UNC13C: variants seen among roughly 807,000 people sequenced by gnomAD.
UNC13C encodes the protein unc-13 homolog C, also known as protein unc-13 homolog C.
A neutral mutation model predicts 245.4 loss-of-function variants in UNC13C; 174 were observed. The ratio of observed to expected loss-of-function variants is 0.71; its 90% CI spans 0.63 to 0.80. The LOEUF (loss-of-function observed/expected upper bound fraction) is 0.80, where lower values mean the gene tolerates loss of function less well. Ranked by LOEUF, UNC13C falls within the 30% of genes least tolerant of loss-of-function variation. The pLI, the probability that UNC13C is intolerant of heterozygous loss-of-function variation, is 0.00. For synonymous variants in UNC13C, 992 were observed against 895.1 expected, an observed-to-expected ratio of 1.11 and a Z score of -1.93; for missense variants, 2,829 against 2,602.9, an observed-to-expected ratio of 1.09 and a Z score of -1.89.
chr15:53,982,379 G>A (rs7172652), intron 1 of UNC13C, among the ~76,000 whole-genome samples: 2,323 of 152,194 alleles, frequency 0.015, 70 homozygotes, highest in African/African-American at 0.053. Context: ...CTCGAAGCAT[G>A]TAAAATATAA....
At chr15:54,564,373 G>C (rs1222424623) in intron 29 of UNC13C, among the ~76,000 whole-genome samples, 1 of 151,748 alleles carries the variant, frequency 6.6e-6, no homozygotes, top group East Asian at 1.9e-4. Flanking sequence ...GGGACCTTTG[G>C]GTTTTCCTCA....
At chr15:54,283,190 C>G (rs1293916785) in intron 10 of UNC13C, among the ~76,000 whole-genome samples, 3 of 152,088 alleles carry the variant, frequency 2.0e-5, no homozygotes, top group African/African-American at 7.2e-5. Context: ...GGGGTTTCAC[C>G]TGCTACACAA....
In UNC13C at chr15:54,267,661, A is replaced by ATATC. The variant is rs145981795; in HGVS notation, c.3818+2167_3818+2170dup. Among the ~76,000 whole-genome samples the ATATC allele has an allele frequency of 8.7e-3, 1,327 of 152,130 alleles. 23 individuals carry two copies. The highest frequency in any genetic ancestry group is 0.031 in the African/African-American group (1,287 of 41,546). Reference sequence around the variant, plus strand: ...ACATTTTTGCTTCTCTGTGTATAACATATCTCCCCTACTCCTCCAACTGCT... The same window carrying ATATC: ...ACATTTTTGCTTCTCTGTGTATAACATATCTATCTCCCCTACTCCTCCAACTGCT... On this transcript the variant is annotated intron_variant, in intron 10 of 32. Coordinates refer to ENST00000260323, the MANE Select transcript of UNC13C (RefSeq NM_001080534.3).
chr15:54,101,889 C>G (rs1435495460), intron 2 of UNC13C, among the ~76,000 whole-genome samples: 1 of 151,714 alleles, frequency 6.6e-6, no homozygotes, highest in Non-Finnish European at 1.5e-5. Flanking sequence ...CGGCCATCCT[C>G]CCCATTCTTA....
intron 24 of UNC13C, among the ~76,000 whole-genome samples, chr15:54,518,778 C>A (rs2141128221): frequency 6.6e-6 from 1 of 152,240 alleles, no homozygotes; most frequent in East Asian, 1.9e-4. Context: ...TGGTTTATAA[C>A]ACATGCAGGA....
At chr15:54,505,689 G>T (rs1282583130) in intron 22 of UNC13C, among the ~76,000 whole-genome samples, 8 of 150,554 alleles carry the variant, frequency 5.3e-5, no homozygotes, top group Non-Finnish European at 1.2e-4. Context: ...AAAGATGGGA[G>T]TTATTACGGC....
At chr15:54,468,926 T>G (rs1892314908) in intron 19 of UNC13C, among the ~76,000 whole-genome samples, 1 of 151,658 alleles carries the variant, frequency 6.6e-6, no homozygotes, top group African/African-American at 2.4e-5. Context: ...TCAAGACTTT[T>G]GTGATTCCTT....
chr15:54,157,833 A>C (rs1305228956), intron 4 of UNC13C, among the ~76,000 whole-genome samples: 1 of 152,208 alleles, frequency 6.6e-6, no homozygotes, highest in African/African-American at 2.4e-5. Flanking sequence ...AAACCTGACA[A>C]AAACAAGAAA....
intron 30 of UNC13C, among the ~76,000 whole-genome samples, chr15:54,588,607 C>A (rs1038248715): frequency 3.9e-5 from 6 of 152,030 alleles, no homozygotes; most frequent in African/African-American, 1.2e-4. Context: ...GTATACACTG[C>A]GCCATATTTC....
At chr15:54,145,812 G>C (rs1595908751) in intron 4 of UNC13C, among the ~76,000 whole-genome samples, 1 of 152,204 alleles carries the variant, frequency 6.6e-6, no homozygotes, top group Admixed American at 6.5e-5. Flanking sequence ...GCTAACTCAT[G>C]TCTGAATATG....
At chr15:54,315,493 A>C (rs1001608516) in intron 13 of UNC13C, among the ~76,000 whole-genome samples, 3 of 151,274 alleles carry the variant, frequency 2.0e-5, no homozygotes, top group African/African-American at 7.3e-5. Context: ...TATAGAATTT[A>C]CTTTTTTTCT....
intron 28 of UNC13C, among the ~76,000 whole-genome samples, chr15:54,550,446 C>A (rs993176219): frequency 6.6e-6 from 1 of 152,096 alleles, no homozygotes; most frequent in East Asian, 1.9e-4. Flanking sequence ...TGTCACCTCC[C>A]ACTTGCAGTT....
chr15:54,446,453 G>A (rs1890819351), intron 19 of UNC13C, among the ~76,000 whole-genome samples: 2 of 152,192 alleles, frequency 1.3e-5, no homozygotes, highest in East Asian at 3.9e-4. Context: ...ATTTGTTTGT[G>A]TCCTCTTTTA....
the UNC13C span, among the ~76,000 whole-genome samples, chr15:53,840,459 A>T: frequency 0.018 from 2,787 of 151,958 alleles, 97 homozygotes; most frequent in African/African-American, 0.064. Context: ...AACTAGAGTC[A>T]TAATAGGAAG....
chr15:54,020,144 A>C (rs1293280147), intron 2 of UNC13C, among the ~76,000 whole-genome samples: 1 of 152,208 alleles, frequency 6.6e-6, no homozygotes, highest in Non-Finnish European at 1.5e-5. Flanking sequence ...TCATCAGAAC[A>C]CATTTGAAGA....
At chr15:54,268,280 C>A (rs1232641565) in intron 10 of UNC13C, among the ~76,000 whole-genome samples, 1 of 151,894 alleles carries the variant, frequency 6.6e-6, no homozygotes, top group Non-Finnish European at 1.5e-5. Flanking sequence ...TAGGCATTTT[C>A]TTTTCCATCC....
At chr15:54,477,932 C>T (rs62024026) in intron 19 of UNC13C, among the ~76,000 whole-genome samples, 45,901 of 130,508 alleles carry the variant, frequency 0.35, 7,618 homozygotes, top group East Asian at 0.51. Flanking sequence ...GTGAATCCAT[C>T]TGGTCCTGGA....
At chr15:54,059,776 C>T (rs145207433) in intron 2 of UNC13C, among the ~76,000 whole-genome samples, 11,004 of 152,066 alleles carry the variant, frequency 0.072, 717 homozygotes, top group African/African-American at 0.17. Flanking sequence ...GAGATATAGA[C>T]CAATGGAACA....
At chr15:54,600,780 G>A (rs1899369565) in intron 30 of UNC13C, among the ~76,000 whole-genome samples, 1 of 151,748 alleles carries the variant, frequency 6.6e-6, no homozygotes, top group African/African-American at 2.4e-5. Flanking sequence ...TCATTCATAG[G>A]ACTAATGTTA....
Sources: allele counts gnomAD v4.1 joint callset (sites outside exome capture counted in the v4.1 genomes callset), GRCh38; gene constraint gnomAD v4.1.1; transcripts MANE v1.5; gene names NCBI Gene and HGNC (gene_info 2026-07-23, HGNC 2026-07-21).